CACNG3: variants seen among roughly 807,000 people sequenced by gnomAD.
CACNG3 encodes calcium voltage-gated channel auxiliary subunit gamma 3.
A neutral mutation model predicts 28.5 loss-of-function variants in CACNG3; 3 were observed. The ratio of observed to expected loss-of-function variants is 0.11; its 90% CI spans 0.05 to 0.27. The LOEUF is 0.27. Among genes scored for constraint, CACNG3 ranks in the 10% least tolerant of loss-of-function variants. The pLI, the probability that CACNG3 is intolerant of heterozygous loss-of-function variation, is 1.00. For synonymous variants in CACNG3, 174 were observed against 162.2 expected (o/e 1.07, Z -0.55); for missense variants, 236 against 414.4 (o/e 0.57, Z 3.74).
At chr16:24,294,945 G>A (rs546841447) in intron 1 of CACNG3, among the ~76,000 whole-genome samples, 7 of 152,218 alleles carry the variant, frequency 4.6e-5, no homozygotes, top group Non-Finnish European at 8.8e-5. Flanking sequence ...GATAGATAGT[G>A]AGTATTCACT....
chr16:24,271,161 T>A (rs547240324), intron 1 of CACNG3, among the ~76,000 whole-genome samples: 125 of 152,350 alleles, frequency 8.2e-4, no homozygotes, highest in African/African-American at 2.9e-3. Flanking sequence ...TCTTCTCAAC[T>A]GCACTATTTG....
chr16:24,322,806 C>G lies in CACNG3; in HGVS notation c.212-23928C>G, dbSNP rs541187016. Among the ~76,000 whole-genome samples the G allele has an allele frequency of 1.2e-3, 178 of 152,210 alleles. 2 individuals carry two copies. The highest frequency in any genetic ancestry group is 4.2e-3 in the African/African-American group (173 of 41,542). On this transcript the variant is annotated intron_variant, in intron 1 of 3. Transcript: ENST00000005284. ...GTCTATAATCTAAATCAATATCTACCTATTTTGCTATCAAGCCACAAAATA... is the reference window on the plus strand; with the variant it reads ...GTCTATAATCTAAATCAATATCTACGTATTTTGCTATCAAGCCACAAAATA...
rs548449041 is a variant in CACNG3, at chr16:24,304,103, C to T, written c.212-42631C>T. Among the ~76,000 whole-genome samples, 36 of 152,206 alleles carry T rather than the reference C, an allele frequency of 2.4e-4. No homozygotes were observed. The South Asian group carries it at 6.9e-3, about 29-fold the overall frequency. ...ATAGTGACCTTGTGGTTTTATCTATCGGCAGGACTGGATTAATAGCAAACT... is the reference window on the plus strand; with the variant it reads ...ATAGTGACCTTGTGGTTTTATCTATTGGCAGGACTGGATTAATAGCAAACT... On this transcript the variant is annotated intron_variant, in intron 1 of 3. Transcript: ENST00000005284.
chr16:24,289,986 A>G (rs1898944773), intron 1 of CACNG3, among the ~76,000 whole-genome samples: 1 of 152,254 alleles, frequency 6.6e-6, no homozygotes, highest in South Asian at 2.1e-4. Context: ...CAGGAAGCCA[A>G]GTCCTGGAGT....
intron 1 of CACNG3, among the ~76,000 whole-genome samples, chr16:24,343,896 T>C (rs1274541312): frequency 2.6e-5 from 4 of 151,974 alleles, no homozygotes; most frequent in Admixed American, 2.6e-4. Flanking sequence ...AAGACCATCC[T>C]GGCTAACACA....
chr16:24,301,043 C>CAAAAA (rs71381659), intron 1 of CACNG3, among the ~76,000 whole-genome samples: 54 of 104,684 alleles, frequency 5.2e-4, no homozygotes, highest in African/African-American at 1.9e-3. Context: ...GGCTCCATCT[C>CAAAAA]AAAAAAAAAA....
In CACNG3 at chr16:24,354,971, C is replaced by A. The variant is rs769318826; in HGVS notation, c.434C>A (p.Ala145Glu). 1 of 1,612,462 alleles carries A rather than the reference C, an allele frequency of 6.2e-7. No individual in the cohort carries two copies. The highest frequency in any genetic ancestry group is 8.5e-7 in the Non-Finnish European group (1 of 1,179,618). The part of the protein sequence containing the change: ...ILSAGIFFVS[A>E]GLSNIIGIIV... Reference sequence around the variant, plus strand: ...AGCGCGGGCATCTTTTTTGTCTCTGCAGGTGAGTGTCTGGCCCCAGCCCTG... The same window carrying A: ...AGCGCGGGCATCTTTTTTGTCTCTGAAGGTGAGTGTCTGGCCCCAGCCCTG... The change falls in exon 3 of 4, where the codon GCA (alanine) becomes GAA (glutamate). Residue 145 changes from alanine (A) to glutamate (E), a missense_variant and splice_region_variant. Coordinates refer to ENST00000005284, the MANE Select transcript of CACNG3 (RefSeq NM_006539.4).
At chr16:24,355,547 C>T (rs774141209) in intron 3 of CACNG3, among the ~76,000 whole-genome samples, 10 of 152,168 alleles carry the variant, frequency 6.6e-5, no homozygotes, top group Non-Finnish European at 1.2e-4. Context: ...CTTGCCACTC[C>T]ACTCCAGCCT....
chr16:24,274,430 G>T (rs1181094262), intron 1 of CACNG3, among the ~76,000 whole-genome samples: 1 of 152,098 alleles, frequency 6.6e-6, no homozygotes. Context: ...ATTTGGTGTT[G>T]GTTATTACCA....
At chr16:24,342,835 A>G (rs550775068) in intron 1 of CACNG3, among the ~76,000 whole-genome samples, 2 of 152,052 alleles carry the variant, frequency 1.3e-5, no homozygotes, top group South Asian at 4.2e-4. Context: ...TGCAAAAACC[A>G]TTCTTGGCTC....
At chr16:24,272,650 C>A (rs1898705927) in intron 1 of CACNG3, among the ~76,000 whole-genome samples, 1 of 152,210 alleles carries the variant, frequency 6.6e-6, no homozygotes, top group African/African-American at 2.4e-5. Flanking sequence ...GACATTTAAT[C>A]ATGCACGTTA....
At chr16:24,301,201 ACT>A (rs1407240921) in intron 1 of CACNG3, among the ~76,000 whole-genome samples, 1 of 147,656 alleles carries the variant, frequency 6.8e-6, no homozygotes, top group African/African-American at 2.5e-5. Flanking sequence ...ACAGAGTGAG[ACT>A]CTGAAAAAAA....
At chr16:24,312,205 C>T (rs907496904) in intron 1 of CACNG3, among the ~76,000 whole-genome samples, 1 of 152,218 alleles carries the variant, frequency 6.6e-6, no homozygotes, top group Non-Finnish European at 1.5e-5. Context: ...ACCCAGACCA[C>T]TGGATGTCTC....
At chr16:24,302,457 T>A (rs960542161) in intron 1 of CACNG3, among the ~76,000 whole-genome samples, 4 of 152,036 alleles carry the variant, frequency 2.6e-5, no homozygotes. Flanking sequence ...GATTTTTTTT[T>A]ATTTTTTTAT....
intron 1 of CACNG3, among the ~76,000 whole-genome samples, chr16:24,275,203 A>G (rs967320945): frequency 6.6e-6 from 1 of 152,144 alleles, no homozygotes; most frequent in Non-Finnish European, 1.5e-5. Context: ...CCAAAAAAAA[A>G]AAGATATGAT....
At chr16:24,326,118 A>G (rs1001417562) in intron 1 of CACNG3, among the ~76,000 whole-genome samples, 1 of 151,860 alleles carries the variant, frequency 6.6e-6, no homozygotes, top group Admixed American at 6.6e-5. Context: ...GCCCCAGCCC[A>G]CTAGCTTAGC....
chr16:24,308,863 A>AAAAAG (rs1567215129), intron 1 of CACNG3, among the ~76,000 whole-genome samples: 33 of 149,540 alleles, frequency 2.2e-4, no homozygotes, highest in African/African-American at 6.7e-4. Context: ...AAAAAAAAAA[A>AAAAAG]AAAAGAAAAG....
intron 1 of CACNG3, among the ~76,000 whole-genome samples, chr16:24,299,258 T>A (rs1279787712): frequency 6.6e-6 from 1 of 152,238 alleles, no homozygotes; most frequent in African/African-American, 2.4e-5. Context: ...AGACATTTAT[T>A]TTATACTTTG....
chr16:24,317,621 A>AG (rs1567217500), intron 1 of CACNG3, among the ~76,000 whole-genome samples: 7 of 61,352 alleles, frequency 1.1e-4, no homozygotes, highest in African/African-American at 2.1e-4. Flanking sequence ...AAAGAAAGAA[A>AG]GAAAGACAGA....
Sources: gnomAD v4.1 joint callset for allele counts (sites outside exome capture counted in the v4.1 genomes callset) on GRCh38, gnomAD v4.1.1 for gene constraint, MANE v1.5 for transcripts, NCBI Gene and HGNC (gene_info 2026-07-23, HGNC 2026-07-21) for gene names.